The following SNRPN variants were observed in gnomAD, a reference collection of about 807,000 sequenced individuals.
SNRPN encodes the protein small nuclear ribonucleoprotein polypeptide N.
In SNRPN, 7 loss-of-function variants were observed where a neutral mutation model predicts 25.2. That is an observed-to-expected ratio of 0.28 (90% CI 0.16 to 0.52). The LOEUF is 0.52. Among genes scored for constraint, SNRPN ranks in the 20% least tolerant of loss-of-function variants. The pLI is 0.96. For synonymous variants in SNRPN, 124 were observed against 110.6 expected (o/e 1.12, Z -0.76); for missense variants, 196 against 322.5 (o/e 0.61, Z 3.00).
intron 2 of SNRPN, among the ~76,000 whole-genome samples, chr15:24,846,533 A>G (rs973394922): frequency 6.6e-6 from 1 of 152,246 alleles, no homozygotes; most frequent in African/African-American, 2.4e-5. Context: ...CACAAAATGC[A>G]TGGGCATACA....
chr15:24,889,960 G>T (rs370055510), intron 2 of SNRPN, among the ~76,000 whole-genome samples: 2 of 147,948 alleles, frequency 1.4e-5, no homozygotes, highest in East Asian at 4.1e-4. Flanking sequence ...TGAGGCAGGA[G>T]AATGGCTTGA....
intron 3 of SNRPN, among the ~76,000 whole-genome samples, chr15:24,946,617 G>A (rs1236391113): frequency 1.3e-5 from 2 of 151,998 alleles, no homozygotes; most frequent in African/African-American, 2.4e-5. Context: ...CTACAGGCAC[G>A]TGCTACCATG....
chr15:24,909,846 G>A (rs993707207), intron 2 of SNRPN: 93 of 952,302 alleles, frequency 9.8e-5, no homozygotes, highest in South Asian at 2.9e-4. Flanking sequence ...AGAGACCCGC[G>A]TCCACAGCTC....
At chr15:24,917,362 A>G (rs945355092) in intron 2 of SNRPN, among the ~76,000 whole-genome samples, 7 of 152,172 alleles carry the variant, frequency 4.6e-5, no homozygotes, top group Non-Finnish European at 7.3e-5. Flanking sequence ...GTTTTATAGT[A>G]GATGTTATGT....
chr15:24,824,318 C>G (rs1294262754), intron 1 of SNRPN, among the ~76,000 whole-genome samples: 1 of 152,130 alleles, frequency 6.6e-6, no homozygotes, highest in Non-Finnish European at 1.5e-5. Context: ...AATGCAGAGA[C>G]AGCTACTTTG....
At chr15:24,955,708 C>T (rs1446592579) in intron 1 of SNRPN, among the ~76,000 whole-genome samples, 8 of 140,002 alleles carry the variant, frequency 5.7e-5, no homozygotes, top group East Asian at 2.1e-4. Context: ...GGTCGCGGCG[C>T]GGGGAGAGTC....
intron 2 of SNRPN, among the ~76,000 whole-genome samples, chr15:24,910,426 T>C (rs1005679366): frequency 1.3e-5 from 2 of 152,138 alleles, no homozygotes; most frequent in Admixed American, 1.3e-4. Context: ...GAGGCGGCAG[T>C]GAGCTATGAT....
At position 24,929,472 on chromosome 15, in the gene SNRPN, T is replaced by C. The variant is rs967400164; in HGVS notation, c.-391+9348T>C. ...GATAAATGTAAGCAGGCTTCTGCAG[T>C]GAAAGGGGCCAGGTCTAGGAAGATG... On this transcript the variant is annotated intron_variant, in intron 3 of 11. Coordinates refer to the SNRPN transcript ENST00000400097. This position sits in a 1 kb window ranked among gnomAD's most constrained non-coding sequence, Gnocchi z 5.3. 5.3e-5 allele frequency among the ~76,000 whole-genome samples: 8 copies of C among 152,044 alleles called. No homozygotes were observed. The highest frequency in any genetic ancestry group is 2.9e-5 in the Non-Finnish European group (2 of 68,010).
At chr15:24,870,026 G>A (rs1430647847) in intron 1 of SNRPN, among the ~76,000 whole-genome samples, 4 of 152,010 alleles carry the variant, frequency 2.6e-5, no homozygotes, top group African/African-American at 9.7e-5. Context: ...TTGTTCCATT[G>A]TTGGCCATTG....
intron 3 of SNRPN, among the ~76,000 whole-genome samples, chr15:24,923,766 A>G (rs111416412): frequency 0.024 from 3,577 of 152,014 alleles, 58 homozygotes; most frequent in Middle Eastern, 0.061. Context: ...ACAAGTCAGG[A>G]TGGTGGTTAC....
intron 2 of SNRPN, among the ~76,000 whole-genome samples, chr15:24,834,183 C>G (rs1566805605): frequency 6.6e-6 from 1 of 152,124 alleles, no homozygotes. Context: ...CTTGGCCTCC[C>G]AAAGTGCTGG....
chr15:24,967,941 G>C lies in SNRPN; in HGVS notation c.-285G>C, dbSNP rs755907959. ...TGTGCTCTTGTTGTAGGTGTCAGTTGTACCCGAGGCGTTCTCAGCAGCAGC... is the reference window on the plus strand; with the variant it reads ...TGTGCTCTTGTTGTAGGTGTCAGTTCTACCCGAGGCGTTCTCAGCAGCAGC... On this transcript the variant is annotated 5_prime_UTR_variant, in exon 3 of 10. Transcript: ENST00000390687. The C allele has an allele frequency of 2.5e-6, 4 of 1,611,996 alleles. No homozygotes were observed. The South Asian group carries it at 3.3e-5, about 13-fold the overall frequency.
At chr15:24,955,266 ATTGGGGCGCG>A (rs978658984) in intron 1 of SNRPN, among the ~76,000 whole-genome samples, 84 of 151,958 alleles carry the variant, frequency 5.5e-4, no homozygotes, top group African/African-American at 2.0e-3. Context: ...GTCCGCTCGC[ATTGGGGCGCG>A]TCCCCCATCC....
At chr15:24,892,391 G>C (rs571768371) in intron 2 of SNRPN, among the ~76,000 whole-genome samples, 1 of 152,174 alleles carries the variant, frequency 6.6e-6, no homozygotes, top group East Asian at 1.9e-4. Context: ...GAGTAGGAAG[G>C]AGGAACAGAA....
chr15:24,837,279 T>C (rs1240126301), intron 2 of SNRPN, among the ~76,000 whole-genome samples: 1 of 151,986 alleles, frequency 6.6e-6, no homozygotes, highest in Non-Finnish European at 1.5e-5. Context: ...TAGGTGGGAC[T>C]CTTAACCATT....
In SNRPN at chr15:24,881,584, G is replaced by GGAGAGA. The variant is rs1157961647; in HGVS notation, c.-578-4901_-578-4896dup. Among the ~76,000 whole-genome samples, 106 of 57,496 alleles carry GGAGAGA rather than the reference G, an allele frequency of 1.8e-3. 1 individual carries two copies. The highest frequency in any genetic ancestry group is 0.012 in the Middle Eastern group (1 of 86). The allele number at this position is 57,496 out of a possible 152,430, so 37.7% of individuals were successfully genotyped here. A position where few individuals can be genotyped will look rare whatever the true frequency, so the allele number is the denominator to read the frequency against. ...GGGAGGGAGGGAGGGAGGGAGGGAG[G>GGAGAGA]GAGAGAGAGAGAGAGAGAGAGAGAG... On this transcript the variant is annotated intron_variant, in intron 1 of 11. Coordinates refer to the SNRPN transcript ENST00000400097.
At chr15:24,922,306 A>G (rs941181862) in intron 3 of SNRPN, among the ~76,000 whole-genome samples, 2 of 152,220 alleles carry the variant, frequency 1.3e-5, no homozygotes, top group Admixed American at 1.3e-4. Flanking sequence ...TAATTCAGGC[A>G]TTCACAATCC....
At chr15:24,927,475 AATTTTTTTTTTTTTTTTTTTTT>A (rs1270466435) in intron 3 of SNRPN, among the ~76,000 whole-genome samples, 7,830 of 113,388 alleles carry the variant, frequency 0.069, 603 homozygotes, top group Middle Eastern at 0.13. Flanking sequence ...AAAGTTTTTA[AATTTTTTTTTTTTTTTTTTTTT>A]TTTTTTTTTT....
intron 2 of SNRPN, chr15:24,909,547 C>A (rs558260994): frequency 6.2e-6 from 9 of 1,443,120 alleles, no homozygotes; most frequent in Non-Finnish European, 7.7e-6. Flanking sequence ...CATAATTTGT[C>A]GGGCCAACCT....
Sources: gnomAD v4.1 joint callset for allele counts (sites outside exome capture counted in the v4.1 genomes callset) on GRCh38, gnomAD v4.1.1 for gene constraint, Gnocchi (gnomAD v3.1) non-coding constraint, MANE v1.5 for transcripts, NCBI Gene and HGNC (gene_info 2026-07-23, HGNC 2026-07-21) for gene names.